The following DNAH14 variants were observed in gnomAD, a reference collection of about 807,000 sequenced individuals.
DNAH14 encodes axonemal beta dynein heavy chain 14.
In DNAH14, 478 loss-of-function variants were observed where a neutral mutation model predicts 520.9. The observed-to-expected ratio is 0.92, with a 90% CI of 0.85 to 0.99. The LOEUF is 0.99. DNAH14 is among the 50% of genes least tolerant of loss of function. DNAH14 has a pLI of 0.00. For missense variants in DNAH14, 4,831 were observed against 5,234.5 expected (o/e 0.92, Z 2.38); for synonymous variants, 1,581 against 1,757.2 (o/e 0.90, Z 2.51).
Position 225,063,572 on chromosome 1 carries a change from A to C in DNAH14, c.2424+11777A>C, listed in dbSNP as rs530637444. Among the ~76,000 whole-genome samples, 15 of 152,256 alleles carry C rather than the reference A, an allele frequency of 9.9e-5. 1 individual carries two copies. In the South Asian group the frequency reaches 2.7e-3, roughly 27 times the overall value. On this transcript the variant is annotated intron_variant, in intron 17 of 85. Coordinates refer to ENST00000682510, the MANE Select transcript of DNAH14 (RefSeq NM_001367479.1). ...AAAATCTGAACTTGAAATAATAGAA[A>C]TAGAATCAATTGCAAAGGAAGCACA...
intron 17 of DNAH14, among the ~76,000 whole-genome samples, chr1:225,072,678 T>C (rs1040633669): frequency 6.6e-6 from 1 of 152,242 alleles, no homozygotes; most frequent in Non-Finnish European, 1.5e-5. Context: ...TGTGTGCTTA[T>C]CTACATTCAG....
intron 35 of DNAH14, among the ~76,000 whole-genome samples, chr1:225,161,230 G>GT (rs1366508884): frequency 6.6e-6 from 1 of 152,042 alleles, no homozygotes; most frequent in Non-Finnish European, 1.5e-5. Flanking sequence ...AAGTTTAATT[G>GT]TTTTTATGTT....
At chr1:225,342,937 A>G (rs2095221296) in intron 69 of DNAH14, among the ~76,000 whole-genome samples, 1 of 147,576 alleles carries the variant, frequency 6.8e-6, no homozygotes, top group African/African-American at 2.5e-5. Flanking sequence ...CCCATTCCTT[A>G]TCATCCAGAG....
At chr1:224,942,248 GTATTT>G (rs2059469834) in intron 1 of DNAH14, among the ~76,000 whole-genome samples, 2 of 152,152 alleles carry the variant, frequency 1.3e-5, no homozygotes, top group South Asian at 4.2e-4. Context: ...GGATTCCTAG[GTATTT>G]TATTCTCTTT....
intron 64 of DNAH14, among the ~76,000 whole-genome samples, chr1:225,328,067 T>A (rs1457657006): frequency 6.6e-6 from 1 of 150,492 alleles, no homozygotes; most frequent in Non-Finnish European, 1.5e-5. Flanking sequence ...ACTTCCCAAG[T>A]CTTGAGAGAG....
intron 71 of DNAH14, among the ~76,000 whole-genome samples, chr1:225,348,566 A>G (rs1037814602): frequency 6.6e-6 from 1 of 152,188 alleles, no homozygotes; most frequent in Non-Finnish European, 1.5e-5. Flanking sequence ...AGGGAGTGAG[A>G]TATATATTCA....
intron 54 of DNAH14, among the ~76,000 whole-genome samples, chr1:225,287,220 A>T (rs1282991564): frequency 2.0e-5 from 3 of 152,194 alleles, no homozygotes; most frequent in Admixed American, 2.0e-4. Context: ...TTTAGAAAAA[A>T]AAGTCATTTT....
At chr1:225,264,306 C>T in intron 47 of DNAH14, 45 bp downstream of exon 47, 1 of 1,380,742 alleles carries the variant, frequency 7.2e-7, no homozygotes, top group Non-Finnish European at 1.0e-6. Flanking sequence ...TGTTTCAAAA[C>T]TTCACAACCA....
chr1:225,179,576 A>T (rs2149281182), intron 36 of DNAH14, among the ~76,000 whole-genome samples: 1 of 152,300 alleles, frequency 6.6e-6, no homozygotes, highest in Non-Finnish European at 1.5e-5. Context: ...ATCTCACAAC[A>T]AATTGTTTTA....
At position 225,331,578 on chromosome 1, in the gene DNAH14, G is replaced by C. The variant is rs778970361; in HGVS notation, c.9864+1G>C. 8 of 1,551,148 alleles carry C rather than the reference G, an allele frequency of 5.2e-6. No homozygotes were observed. The South Asian group carries it at 9.5e-5, about 18-fold the overall frequency. On this transcript the variant is annotated splice_donor_variant, in intron 65 of 85. Coordinates refer to ENST00000682510, the MANE Select transcript of DNAH14 (RefSeq NM_001367479.1). LOFTEE classifies it high-confidence loss of function. Reference sequence around the variant, plus strand: ...ACTAACTGTCCTGGAAGATGAGAAGGCATGACTTACTTTGGTCTTATATCT... The same window carrying C: ...ACTAACTGTCCTGGAAGATGAGAAGCCATGACTTACTTTGGTCTTATATCT...
At chr1:225,075,782 G>A (rs946404465) in intron 17 of DNAH14, among the ~76,000 whole-genome samples, 1 of 152,216 alleles carries the variant, frequency 6.6e-6, no homozygotes, top group African/African-American at 2.4e-5. Context: ...CTTTGGTGAT[G>A]TCATGTTTTC....
intron 60 of DNAH14, among the ~76,000 whole-genome samples, chr1:225,314,496 T>A (rs1256059651): frequency 6.6e-6 from 1 of 152,230 alleles, no homozygotes; most frequent in Non-Finnish European, 1.5e-5. Context: ...GCTGCAGTTT[T>A]TTTGCCCGTT....
intron 34 of DNAH14, among the ~76,000 whole-genome samples, chr1:225,157,609 T>C (rs1046412024): frequency 3.9e-5 from 6 of 152,206 alleles, no homozygotes; most frequent in African/African-American, 1.4e-4. Context: ...CATATCTATA[T>C]TTAACACTTG....
intron 75 of DNAH14, among the ~76,000 whole-genome samples, chr1:225,361,469 CA>C (rs1475000300): frequency 6.6e-6 from 1 of 152,240 alleles, no homozygotes; most frequent in Non-Finnish European, 1.5e-5. Context: ...TGTGTTGAAT[CA>C]ATGATGTTTC....
intron 43 of DNAH14, among the ~76,000 whole-genome samples, chr1:225,241,948 G>C (rs1315923145): frequency 6.6e-6 from 1 of 152,172 alleles, no homozygotes; most frequent in African/African-American, 2.4e-5. Flanking sequence ...TTCAGGCTGT[G>C]TGCAGTAGCC....
chr1:225,368,108 A>G, intron 77 of DNAH14, 76 bp downstream of exon 77: 2 of 1,249,090 alleles, frequency 1.6e-6, no homozygotes, highest in Admixed American at 2.5e-5. Flanking sequence ...ATGTGCCTAC[A>G]CAAATGTGAG....
chr1:225,276,415 G>C (rs1253526960), intron 53 of DNAH14, among the ~76,000 whole-genome samples: 2 of 152,192 alleles, frequency 1.3e-5, no homozygotes, highest in East Asian at 3.9e-4. Flanking sequence ...ATGCAAAACA[G>C]AGTGTAGCAA....
Position 225,345,960 on chromosome 1 carries a change from A to T in DNAH14, c.10679-2A>T, listed in dbSNP as rs1279340363. 1 of 1,509,638 alleles carries T rather than the reference A, an allele frequency of 6.6e-7. No homozygotes were observed. The allele number at this position is 1,509,638 out of a possible 1,614,324, so 93.5% of individuals were successfully genotyped here. The stretch of plus-strand genomic sequence containing the variant: ...TTAACTTCACTTTTTGTTTGTCTTT[A>T]GGATCCATATTAGATGATGACAAAA... On this transcript the variant is annotated splice_acceptor_variant, in intron 69 of 85. Coordinates refer to ENST00000682510, the MANE Select transcript of DNAH14 (RefSeq NM_001367479.1). LOFTEE classifies it high-confidence loss of function.
chr1:225,387,840 A>C (rs1295973280), intron 81 of DNAH14, among the ~76,000 whole-genome samples: 1 of 152,180 alleles, frequency 6.6e-6, no homozygotes, highest in Non-Finnish European at 1.5e-5. Flanking sequence ...CCCACTTGCA[A>C]CAAACAGGTA....
Sources: gnomAD v4.1 joint callset for allele counts (sites outside exome capture counted in the v4.1 genomes callset) on GRCh38, gnomAD v4.1.1 for gene constraint, MANE v1.5 for transcripts, NCBI Gene and HGNC (gene_info 2026-07-23, HGNC 2026-07-21) for gene names.